RMND5B: variants seen among roughly 807,000 people sequenced by gnomAD.
RMND5B encodes the protein E3 ubiquitin-protein transferase RMND5B.
In RMND5B, 42 loss-of-function variants were observed where a neutral mutation model predicts 50.4. The observed-to-expected ratio is 0.83, with a 90% CI of 0.65 to 1.08. RMND5B has a LOEUF of 1.08. RMND5B is among the 50% of genes least tolerant of loss of function. The probability of loss-of-function intolerance (pLI) is 0.00; values close to 1 mark genes in which losing one functional copy is unlikely to be tolerated. For synonymous variants in RMND5B, 220 were observed against 210.0 expected, an observed-to-expected ratio of 1.05 and a Z score of -0.41; for missense variants, 463 against 508.5, an observed-to-expected ratio of 0.91 and a Z score of 0.86.
intron 8 of RMND5B, chr5:178,147,170 T>C (rs914045726): frequency 8.1e-6 from 2 of 245,558 alleles, no homozygotes; most frequent in Non-Finnish European, 1.6e-5. Flanking sequence ...AGATGTGTTA[T>C]GACTACACAG....
chr5:178,134,005 G>A (rs911392946), intron 2 of RMND5B, among the ~76,000 whole-genome samples: 19 of 152,216 alleles, frequency 1.2e-4, no homozygotes, highest in African/African-American at 4.3e-4. Context: ...GAGCCACCGC[G>A]CCCTGCCCCA....
rs1191407791 is a variant in RMND5B, at chr5:178,138,115, C to T, written c.-5C>T. ...CCAGCTGACCCTCCCCAGGCTGAGG[C>T]CACCATGGAGCAGTGTGCGTGCGTG... On this transcript the variant is annotated 5_prime_UTR_variant, in exon 3 of 11. Transcript: ENST00000313386. This position sits in a 1 kb window ranked among gnomAD's most constrained non-coding sequence, Gnocchi z 5.1. 1.3e-6 allele frequency: 2 copies of T among 1,587,708 alleles called. No individual in the cohort carries two copies. The highest frequency in any genetic ancestry group is 1.7e-6 in the Non-Finnish European group (2 of 1,167,624).
chr5:178,138,316 C>A lies in RMND5B; in HGVS notation c.139+58C>A. The A allele has an allele frequency of 6.3e-7, 1 of 1,587,262 alleles. No individual in the cohort carries two copies. The highest frequency in any genetic ancestry group is 2.3e-5 in the East Asian group (1 of 43,450). On this transcript the variant is annotated intron_variant, in intron 3 of 10. Coordinates refer to ENST00000313386, the MANE Select transcript of RMND5B (RefSeq NM_022762.5). This position sits in a 1 kb window ranked among gnomAD's most constrained non-coding sequence, Gnocchi z 5.1. ...AGCCTCCCTGAGGACATGGGAGACC[C>A]GAAGCTACTGAGTGACAGGGTTCCG...
chr5:178,143,527 C>G (rs977813586), intron 5 of RMND5B, 100 bp from the exon 6 acceptor site: 2 of 935,184 alleles, frequency 2.1e-6, no homozygotes, highest in Admixed American at 2.0e-5. Context: ...GCCCAGCTCT[C>G]TGGCCTGTCT....
intron 5 of RMND5B, 151 bp from the exon 6 acceptor site, chr5:178,143,476 A>C: frequency 3.1e-6 from 2 of 654,402 alleles, no homozygotes; most frequent in East Asian, 2.7e-5. Context: ...GGAACAAGAG[A>C]GGCCCAAGTG....
intron 2 of RMND5B, among the ~76,000 whole-genome samples, chr5:178,132,299 G>C (rs1758357801): frequency 6.6e-6 from 1 of 152,062 alleles, no homozygotes; most frequent in African/African-American, 2.4e-5. Context: ...AATTTAGCCG[G>C]GTGTGGTGGC....
Position 178,138,548 on chromosome 5 carries a change from T to TGTGC in RMND5B, c.139+290_139+291insGTGC, listed in dbSNP as rs1561632765. 6.6e-6 allele frequency among the ~76,000 whole-genome samples: 1 copy of TGTGC among 151,008 alleles called. No individual in the cohort carries two copies. The highest frequency in any genetic ancestry group is 1.5e-5 in the Non-Finnish European group (1 of 67,710). ...GTGTGTGTGTGTGTGTGTGTGTGTG[T>TGTGC]AGAAACAGTGTCTTTGTTGCCTAGG... On this transcript the variant is annotated intron_variant, in intron 3 of 10. Transcript: ENST00000313386. This position sits in a 1 kb window ranked among gnomAD's most constrained non-coding sequence, Gnocchi z 5.1.
intron 7 of RMND5B, among the ~76,000 whole-genome samples, chr5:178,144,720 G>GAACAAAAAAAAAAAAAAA (rs1755889944): frequency 8.9e-6 from 1 of 111,744 alleles, no homozygotes; most frequent in African/African-American, 3.5e-5. Flanking sequence ...CTCCGTCTCA[G>GAACAAAAAAAAAAAAAAA]AAAAAAAAAA....
Position 178,144,090 on chromosome 5 carries a change from G to A in RMND5B, c.676G>A (p.Ala226Thr). The change falls in exon 7 of 11, where the codon GCT becomes ACT. Residue 226 changes from alanine (A) to threonine (T), a missense_variant. Transcript: ENST00000313386. ...CTATGCTCGGCACTTCCAGCCCTTT[G>A]CTCGGCTGCACCAGCGGGGTGAGTG... ...LSYARHFQPF[A>T]RLHQREIQVM... The A allele has an allele frequency of 6.2e-7, 1 of 1,613,858 alleles. No homozygotes were observed. The highest frequency in any genetic ancestry group is 8.5e-7 in the Non-Finnish European group (1 of 1,179,894).
At chr5:178,131,428 T>C (rs1045548951) in intron 2 of RMND5B, 52 bp downstream of exon 2, 10 of 152,224 alleles carry the variant, frequency 6.6e-5, no homozygotes, top group African/African-American at 2.4e-4. Context: ...GAAGGATGAC[T>C]AGGAGTTTGC....
In RMND5B at chr5:178,142,835, C is replaced by T. The variant is rs1311594500; in HGVS notation, c.286-17C>T. On this transcript the variant is annotated splice_polypyrimidine_tract_variant and intron_variant, in intron 4 of 10. Transcript: ENST00000313386. Reference sequence around the variant, plus strand: ...GAGTGCCCGCATCACCAGGCCCTGTCTCTCCTCCTTCGTCAGAACTTCGAC... The same window carrying T: ...GAGTGCCCGCATCACCAGGCCCTGTTTCTCCTCCTTCGTCAGAACTTCGAC... 6.2e-7 allele frequency: 1 copy of T among 1,614,240 alleles called. No individual in the cohort carries two copies. Among genetic ancestry groups the T allele is most frequent in the Admixed American group, 1.7e-5 (1 of 60,034 alleles).
chr5:178,132,743 T>TATTTTTTTA (rs371616349), intron 2 of RMND5B, among the ~76,000 whole-genome samples: 1 of 137,530 alleles, frequency 7.3e-6, no homozygotes, highest in Non-Finnish European at 1.5e-5. Context: ...CTCTCTTTTT[T>TATTTTTTTA]TTTTTTTTTT....
rs563594161 is a variant in RMND5B at position 178,146,393 on chromosome 5, C to G, written c.860+114C>G. The G allele has an allele frequency of 1.4e-5, 14 of 990,218 alleles. No homozygotes were observed. The East Asian group carries it at 3.3e-4, about 24-fold the overall frequency. The allele number at this position is 990,218 out of a possible 1,614,324, so 61.3% of individuals were successfully genotyped here. A position where few individuals can be genotyped will look rare whatever the true frequency, so the allele number is the denominator to read the frequency against. ...TGCTCGGTGCTTTCAGAGACCGAAA[C>G]TGGCTTTCTTAGTCATTCTTCAGGA... On this transcript the variant is annotated intron_variant, in intron 8 of 10. Coordinates refer to ENST00000313386, the MANE Select transcript of RMND5B (RefSeq NM_022762.5).
rs763574085 is a variant in RMND5B at position 178,143,959 on chromosome 5, G to C, written c.545G>C (p.Arg182Thr). 6.2e-7 allele frequency: 1 copy of C among 1,614,246 alleles called. No individual in the cohort carries two copies. Among genetic ancestry groups the C allele is most frequent in the South Asian group, 1.1e-5 (1 of 91,090 alleles). ...GPALEWAVSH[R>T]QRLLELNSSL... ...CTTCCCAGATGGGCCGTCTCCCACA[G>C]GCAGCGCCTGCTGGAACTCAACAGC... Residue 182 changes from arginine to threonine, a missense_variant, in exon 7 of 11, where the codon AGG (arginine) becomes ACG (threonine). Arg to Thr is a moderately conservative substitution (Grantham distance 71). Coordinates refer to ENST00000313386, the MANE Select transcript of RMND5B (RefSeq NM_022762.5).
intron 2 of RMND5B, among the ~76,000 whole-genome samples, chr5:178,134,904 G>T (rs980464002): frequency 6.6e-6 from 1 of 151,750 alleles, no homozygotes; most frequent in Non-Finnish European, 1.5e-5. Context: ...TTGGACCCGG[G>T]AGGTGGAGGT....
intron 7 of RMND5B, 54 bp from the exon 8 acceptor site, chr5:178,146,060 G>C: frequency 3.8e-6 from 6 of 1,587,402 alleles, no homozygotes; most frequent in Non-Finnish European, 5.2e-6. Flanking sequence ...GCCCGCTTGG[G>C]GGTGGACCCA....
Position 178,138,430 on chromosome 5 carries a change from C to A in RMND5B, c.139+172C>A. 7.3e-7 allele frequency: 1 copy of A among 1,377,336 alleles called. No homozygotes were observed. Among genetic ancestry groups the A allele is most frequent in the Non-Finnish European group, 9.4e-7 (1 of 1,068,536 alleles). The allele number at this position is 1,377,336 out of a possible 1,614,324, so 85.3% of individuals were successfully genotyped here. A position where few individuals can be genotyped will look rare whatever the true frequency, so the allele number is the denominator to read the frequency against. ...AGTCTCTGAGCTACTTCAAAAAGCC[C>A]AACAAATTATTAATTTACCTGAGAT... On this transcript the variant is annotated intron_variant, in intron 3 of 10. Transcript: ENST00000313386. This position sits in a 1 kb window ranked among gnomAD's most constrained non-coding sequence, Gnocchi z 5.1.
chr5:178,149,658 C>T lies in RMND5B; in HGVS notation c.*1626C>T, dbSNP rs375546822. The T allele has an allele frequency of 1.2e-6, 2 of 1,609,964 alleles. No individual in the cohort carries two copies. The highest frequency in any genetic ancestry group is 2.2e-5 in the East Asian group (1 of 44,840). ...GTGGGCAGGAGGACAGCCAGTCGTC[C>T]TGCTGCCAGCCCAATAGCTTCCAGC... On this transcript the variant is annotated 3_prime_UTR_variant, in exon 11 of 11. Transcript: ENST00000313386.
Position 178,138,430 on chromosome 5 carries a change from C to T in RMND5B, c.139+172C>T, listed in dbSNP as rs1371187992. The T allele has an allele frequency of 4.1e-5, 56 of 1,377,332 alleles. No homozygotes were observed. The East Asian group carries it at 7.3e-4, about 18-fold the overall frequency. 85.3% of individuals were successfully genotyped at this position (1,377,332 alleles called of 1,614,324 possible). ...AGTCTCTGAGCTACTTCAAAAAGCC[C>T]AACAAATTATTAATTTACCTGAGAT... On this transcript the variant is annotated intron_variant, in intron 3 of 10. Transcript: ENST00000313386. The surrounding 1 kb of genome is among the most constrained non-coding windows in gnomAD (Gnocchi z 5.1).
Sources: gnomAD v4.1 joint callset for allele counts (sites outside exome capture counted in the v4.1 genomes callset) on GRCh38, gnomAD v4.1.1 for gene constraint, Gnocchi (gnomAD v3.1) non-coding constraint, MANE v1.5 for transcripts, NCBI Gene and HGNC (gene_info 2026-07-23, HGNC 2026-07-21) for gene names.